Variants in CD86 observed in about 807,000 individuals in gnomAD.
CD86 encodes CD86 molecule, also known as T-lymphocyte activation antigen CD86.
A neutral mutation model predicts 32.1 loss-of-function variants in CD86; 11 were observed. The ratio of observed to expected loss-of-function variants is 0.34; its 90% CI spans 0.22 to 0.57. The LOEUF (loss-of-function observed/expected upper bound fraction) is 0.57, where lower values mean the gene tolerates loss of function less well. Among genes scored for constraint, CD86 ranks in the 20% least tolerant of loss-of-function variants. The pLI is 0.86. For synonymous variants in CD86, 137 were observed against 135.3 expected (o/e 1.01, Z -0.09); for missense variants, 359 against 398.4 (o/e 0.90, Z 0.84).
chr3:122,081,476 C>T (rs910188774), intron 1 of CD86, among the ~76,000 whole-genome samples: 2 of 152,162 alleles, frequency 1.3e-5, no homozygotes, highest in African/African-American at 2.4e-5. Flanking sequence ...ACAGATGCCT[C>T]GGATGCAGGG....
intron 1 of CD86, chr3:122,086,456 G>T (rs188818907): frequency 2.0e-4 from 79 of 395,520 alleles, no homozygotes; most frequent in Admixed American, 5.0e-4. Context: ...GAGCCCACAT[G>T]CTCCTTCAGA....
At chr3:122,082,711 TC>T (rs1386149082) in intron 1 of CD86, among the ~76,000 whole-genome samples, 4 of 152,252 alleles carry the variant, frequency 2.6e-5, no homozygotes, top group Non-Finnish European at 5.9e-5. Flanking sequence ...AAGTACAGAT[TC>T]TTACACTTAC....
intron 3 of CD86, 54 bp from the exon 4 acceptor site, chr3:122,106,144 C>A: frequency 3.6e-6 from 5 of 1,373,060 alleles, no homozygotes; most frequent in Non-Finnish European, 4.9e-6. Flanking sequence ...GCTATTCCCT[C>A]CTAGATACAT....
intron 2 of CD86, among the ~76,000 whole-genome samples, chr3:122,102,045 G>A (rs1007570374): frequency 6.6e-6 from 1 of 152,062 alleles, no homozygotes; most frequent in Non-Finnish European, 1.5e-5. Context: ...TTCCCTAAGA[G>A]TTCAAGACCA....
chr3:122,058,473 G>A (rs1286763103), intron 1 of CD86, among the ~76,000 whole-genome samples: 1 of 152,198 alleles, frequency 6.6e-6, no homozygotes, highest in Non-Finnish European at 1.5e-5. Context: ...ATGACTCAGA[G>A]CTACTGGGGC....
At chr3:122,078,115 A>C in intron 1 of CD86, 4 of 923,566 alleles carry the variant, frequency 4.3e-6, no homozygotes, top group Non-Finnish European at 5.2e-6. Flanking sequence ...TCTGGGGCAG[A>C]AATGCTGATG....
intron 1 of CD86, among the ~76,000 whole-genome samples, chr3:122,085,856 AC>A (rs1326266168): frequency 2.0e-5 from 3 of 152,184 alleles, no homozygotes; most frequent in African/African-American, 7.2e-5. Context: ...CGAGCTGGTG[AC>A]GTGCCAGTCC....
At chr3:122,056,295 G>C (rs2072233752) in intron 1 of CD86, among the ~76,000 whole-genome samples, 1 of 152,076 alleles carries the variant, frequency 6.6e-6, no homozygotes, top group East Asian at 1.9e-4. Context: ...CCCTTCTCTT[G>C]GGTGGTGGCA....
intron 2 of CD86, among the ~76,000 whole-genome samples, chr3:122,097,108 G>A (rs2072919783): frequency 6.6e-6 from 1 of 152,010 alleles, no homozygotes; most frequent in Admixed American, 6.6e-5. Flanking sequence ...GCGGACACTG[G>A]GTATTACCAG....
chr3:122,075,065 G>A (rs2072537653), intron 1 of CD86, among the ~76,000 whole-genome samples: 1 of 151,906 alleles, frequency 6.6e-6, no homozygotes, highest in Admixed American at 6.6e-5. Flanking sequence ...AACAAGATGG[G>A]GCAAGGGGGT....
At chr3:122,101,510 AAAAATATATATATATAT>A (rs2073004769) in intron 2 of CD86, among the ~76,000 whole-genome samples, 2 of 28,656 alleles carry the variant, frequency 7.0e-5, no homozygotes, top group African/African-American at 1.7e-4. Context: ...AAAAAAAAAA[AAAAATATATATATATAT>A]ATATATATAT....
At chr3:122,101,507 A>ATATATATAT (rs1166770159) in intron 2 of CD86, among the ~76,000 whole-genome samples, 37 of 79,712 alleles carry the variant, frequency 4.6e-4, no homozygotes, top group African/African-American at 1.5e-3. Context: ...AAAAAAAAAA[A>ATATATATAT]AAAAAAATAT....
intron 3 of CD86, among the ~76,000 whole-genome samples, chr3:122,104,589 C>G (rs2073062541): frequency 6.6e-6 from 1 of 152,116 alleles, no homozygotes; most frequent in South Asian, 2.1e-4. Flanking sequence ...CTAAAAATTT[C>G]CCTCAGGCTG....
At chr3:122,070,758 C>A (rs970404541) in intron 1 of CD86, among the ~76,000 whole-genome samples, 3 of 152,098 alleles carry the variant, frequency 2.0e-5, no homozygotes, top group African/African-American at 7.2e-5. Context: ...GGCAGAAATA[C>A]AAAAGGAGAC....
At chr3:122,062,051 G>T in intron 1 of CD86, among the ~76,000 whole-genome samples, 1 of 146,418 alleles carries the variant, frequency 6.8e-6, no homozygotes, top group East Asian at 2.0e-4. Flanking sequence ...AACTTCTTTT[G>T]AATCAATAAT....
chr3:122,086,338 T>C (rs1182621854), intron 1 of CD86, among the ~76,000 whole-genome samples: 2 of 152,158 alleles, frequency 1.3e-5, no homozygotes, highest in African/African-American at 4.8e-5. Context: ...ACATCTACTG[T>C]GGACCCCTCC....
At position 122,103,786 on chromosome 3, in the gene CD86, T is replaced by A. The variant is rs2073048101; in HGVS notation, c.339T>A (p.His113Gln). The change falls in exon 3 of 7, where the codon CAT becomes CAA. Residue 113 changes from histidine to glutamine, a missense_variant. His to Gln is a conservative substitution (Grantham distance 24, BLOSUM62 0). Transcript: ENST00000330540. ...AGGGCTTGTATCAATGTATCATCCA[T>A]CACAAAAAGCCCACAGGAATGATTC... ...KDKGLYQCIIHHKKPTGMIRI... is the reference protein window; with the variant it reads ...KDKGLYQCIIQHKKPTGMIRI... 6.2e-7 allele frequency: 1 copy of A among 1,614,030 alleles called. No homozygotes were observed. Among genetic ancestry groups the A allele is most frequent in the African/African-American group, 1.3e-5 (1 of 75,032 alleles).
chr3:122,071,120 CATTATT>C (rs1320426844), intron 1 of CD86, among the ~76,000 whole-genome samples: 1 of 152,066 alleles, frequency 6.6e-6, no homozygotes, highest in African/African-American at 2.4e-5. Context: ...ATTGTTGCTT[CATTATT>C]ATTATTATTT....
At position 122,103,831 on chromosome 3, in the gene CD86, T is replaced by C; in HGVS notation, c.384T>C (p.Ser128=). The part of the protein sequence containing the change: ...TGMIRIHQMN[S]ELSVLANFSQ... Reference sequence around the variant, plus strand: ...TGATTCGCATCCACCAGATGAATTCTGAACTGTCAGTGCTTGGTATGTGGT... The same window carrying C: ...TGATTCGCATCCACCAGATGAATTCCGAACTGTCAGTGCTTGGTATGTGGT... The change falls in exon 3 of 7, where the codon TCT becomes TCC. Residue 128 remains serine, a synonymous_variant. Coordinates refer to ENST00000330540, the MANE Select transcript of CD86 (RefSeq NM_175862.5). 1.9e-6 allele frequency: 3 copies of C among 1,613,322 alleles called. No homozygotes were observed. The South Asian group carries it at 3.3e-5, about 18-fold the overall frequency.
Sources: gnomAD v4.1 joint callset for allele counts (sites outside exome capture counted in the v4.1 genomes callset) on GRCh38, gnomAD v4.1.1 for gene constraint, MANE v1.5 for transcripts, NCBI Gene and HGNC (gene_info 2026-07-23, HGNC 2026-07-21) for gene names.